The following SOX6 variants were observed in gnomAD, a reference collection of about 807,000 sequenced individuals.
SOX6 encodes SRY-box transcription factor 6.
SOX6 carries 11 observed loss-of-function variants against 97.8 expected under a neutral mutation model. The ratio of observed to expected loss-of-function variants is 0.11; its 90% CI spans 0.07 to 0.19. The LOEUF is 0.19. SOX6 is among the 10% of genes least tolerant of loss of function. The pLI, the probability that SOX6 is intolerant of heterozygous loss-of-function variation, is 1.00. For synonymous variants in SOX6, 360 were observed against 371.4 expected (o/e 0.97, Z 0.35); for missense variants, 810 against 1,039.5 (o/e 0.78, Z 3.04).
chr11:16,389,895 A>G (rs750969808), intron 1 of SOX6, among the ~76,000 whole-genome samples: 9 of 140,450 alleles, frequency 6.4e-5, no homozygotes, highest in Non-Finnish European at 1.4e-4. Context: ...GCGTGAACCC[A>G]GGAGGTGGAG....
At chr11:16,050,571 C>T (rs1847661069) in intron 10 of SOX6, among the ~76,000 whole-genome samples, 1 of 152,126 alleles carries the variant, frequency 6.6e-6, no homozygotes, top group African/African-American at 2.4e-5. Flanking sequence ...AATTATGTTA[C>T]ACATACTATG....
At chr11:16,265,194 A>T (rs903238473) in intron 3 of SOX6, among the ~76,000 whole-genome samples, 1 of 151,930 alleles carries the variant, frequency 6.6e-6, no homozygotes, top group African/African-American at 2.4e-5. Flanking sequence ...CGACGGCCAG[A>T]TGCATGTGAG....
At chr11:16,428,978 T>C (rs1372550222) in intron 1 of SOX6, among the ~76,000 whole-genome samples, 1 of 151,976 alleles carries the variant, frequency 6.6e-6, no homozygotes, top group Non-Finnish European at 1.5e-5. Context: ...TTCTTCCATT[T>C]GTTTGTATCC....
At chr11:16,207,469 C>T (rs1852103210) in intron 4 of SOX6, among the ~76,000 whole-genome samples, 1 of 151,840 alleles carries the variant, frequency 6.6e-6, no homozygotes, top group African/African-American at 2.4e-5. Context: ...GTGGCGGGCA[C>T]CTGTAGTCCC....
chr11:16,518,139 T>C (rs1861002972), intron 4 of SOX6, among the ~76,000 whole-genome samples: 1 of 152,182 alleles, frequency 6.6e-6, no homozygotes, highest in South Asian at 2.1e-4. Context: ...ACCGTCCTGT[T>C]AAAGGCTTTC....
intron 1 of SOX6, among the ~76,000 whole-genome samples, chr11:16,380,605 T>C (rs1323472563): frequency 6.6e-6 from 1 of 152,072 alleles, no homozygotes; most frequent in African/African-American, 2.4e-5. Context: ...CACAAATAAG[T>C]ATGATAGTTT....
At chr11:16,263,919 T>C (rs762974062) in intron 3 of SOX6, among the ~76,000 whole-genome samples, 47 of 151,924 alleles carry the variant, frequency 3.1e-4, no homozygotes, top group Non-Finnish European at 5.5e-4. Context: ...TTTTATTCTT[T>C]GGACTTAAAA....
chr11:16,060,727 T>C (rs1331744125), intron 9 of SOX6, among the ~76,000 whole-genome samples: 1 of 151,874 alleles, frequency 6.6e-6, no homozygotes, highest in African/African-American at 2.4e-5. Flanking sequence ...GACTCTGTGT[T>C]AGGAGCTGAG....
intron 13 of SOX6, among the ~76,000 whole-genome samples, chr11:15,999,129 C>T (rs1007680250): frequency 1.3e-4 from 19 of 151,958 alleles, no homozygotes; most frequent in Admixed American, 3.9e-4. Flanking sequence ...ATAGTTATGG[C>T]CAATAAGCAG....
chr11:16,623,949 C>T (rs898382220), intron 3 of SOX6, among the ~76,000 whole-genome samples: 1 of 152,144 alleles, frequency 6.6e-6, no homozygotes, highest in African/African-American at 2.4e-5. Flanking sequence ...AGATTTCCAT[C>T]ATCCCAAAAA....
At chr11:16,139,239 C>T (rs1053325892) in intron 6 of SOX6, among the ~76,000 whole-genome samples, 2 of 152,064 alleles carry the variant, frequency 1.3e-5, no homozygotes, top group African/African-American at 4.8e-5. Flanking sequence ...TGGGGAGATA[C>T]TTTGAGACTA....
chr11:16,732,779 CTATCAT>C lies in SOX6; in HGVS notation n.353+3554_353+3559del, dbSNP rs561757898. 3.3e-4 allele frequency among the ~76,000 whole-genome samples: 51 copies of C among 152,296 alleles called. No homozygotes were observed. The East Asian group carries it at 8.3e-3, about 25-fold the overall frequency. On this transcript the variant is annotated intron_variant and non_coding_transcript_variant, in intron 2 of 5. Coordinates refer to the SOX6 transcript ENST00000524520. Reference sequence around the variant, plus strand: ...AAGAGCTTCTGCACAGCAAAAGAAACTATCATTGCAGTGAACAGGCAACCTACAGAA... The same window carrying C: ...AAGAGCTTCTGCACAGCAAAAGAAACTGCAGTGAACAGGCAACCTACAGAA...
At chr11:16,618,545 G>T (rs186230602) in intron 3 of SOX6, among the ~76,000 whole-genome samples, 1 of 151,764 alleles carries the variant, frequency 6.6e-6, no homozygotes, top group Non-Finnish European at 1.5e-5. Context: ...TCCTTGATAG[G>T]ATTAGGAGGA....
chr11:16,424,155 T>C (rs1456237998), intron 1 of SOX6, among the ~76,000 whole-genome samples: 3 of 152,038 alleles, frequency 2.0e-5, no homozygotes, highest in African/African-American at 2.4e-5. Context: ...GAGATACAGA[T>C]AGAAAATAAA....
rs79656116 is a variant in SOX6, at chr11:16,170,079, T to C, written c.777+13807A>G. ...TGGTTCTTTTAAATAGCTCCAGTCC[T>C]GGCTGTCTTTGTTGGGCTTCGAAAT... On this transcript the variant is annotated intron_variant, in intron 6 of 15. Transcript: ENST00000683767. 3.9e-5 allele frequency among the ~76,000 whole-genome samples: 6 copies of C among 152,210 alleles called. No individual in the cohort carries two copies. In the East Asian group the frequency reaches 1.2e-3, roughly 29 times the overall value.
chr11:16,213,774 TA>T (rs886134210), intron 4 of SOX6, among the ~76,000 whole-genome samples: 3 of 151,724 alleles, frequency 2.0e-5, no homozygotes, highest in African/African-American at 7.2e-5. Context: ...TACAAATAAG[TA>T]AAAAAAAATT....
intron 5 of SOX6, among the ~76,000 whole-genome samples, chr11:16,186,401 T>G (rs532148147): frequency 1.3e-5 from 2 of 152,194 alleles, no homozygotes; most frequent in Non-Finnish European, 2.9e-5. Flanking sequence ...ATTCCCAAAG[T>G]TTTTCTGGAA....
intron 3 of SOX6, among the ~76,000 whole-genome samples, chr11:16,712,567 C>G (rs1009972074): frequency 5.3e-5 from 8 of 152,074 alleles, no homozygotes; most frequent in Non-Finnish European, 8.8e-5. Flanking sequence ...ATTGTCTATT[C>G]ATGTCCTTAG....
At chr11:16,508,986 A>C (rs1399785918) in intron 4 of SOX6, among the ~76,000 whole-genome samples, 2 of 152,120 alleles carry the variant, frequency 1.3e-5, no homozygotes, top group East Asian at 3.9e-4. Context: ...CATAACAATT[A>C]AATAAAAAGA....
Sources: gnomAD v4.1 joint callset for allele counts (sites outside exome capture counted in the v4.1 genomes callset) on GRCh38, gnomAD v4.1.1 for gene constraint, MANE v1.5 for transcripts, NCBI Gene and HGNC (gene_info 2026-07-23, HGNC 2026-07-21) for gene names.